RPRD1B: variants seen among roughly 807,000 people sequenced by gnomAD.
RPRD1B encodes the protein regulation of nuclear pre-mRNA domain-containing protein 1B.
RPRD1B carries 11 observed loss-of-function variants against 41.5 expected under a neutral mutation model. The ratio of observed to expected loss-of-function variants is 0.27; its 90% CI spans 0.17 to 0.44. The LOEUF (loss-of-function observed/expected upper bound fraction) is 0.44. Ranked by LOEUF, RPRD1B falls within the 20% of genes least tolerant of loss-of-function variation. The pLI is 1.00. For synonymous variants in RPRD1B, 158 were observed against 155.6 expected, an observed-to-expected ratio of 1.02 and a Z score of -0.12; for missense variants, 248 against 389.9, an observed-to-expected ratio of 0.64 and a Z score of 3.06.
intron 6 of RPRD1B, among the ~76,000 whole-genome samples, chr20:38,072,300 A>T (rs1427109977): frequency 5.3e-5 from 8 of 152,202 alleles, no homozygotes; most frequent in Admixed American, 5.2e-4. Flanking sequence ...CTGAATGCCC[A>T]GCACCCTTGT....
At chr20:38,077,888 C>A (rs188018428) in intron 6 of RPRD1B, among the ~76,000 whole-genome samples, 1 of 152,206 alleles carries the variant, frequency 6.6e-6, no homozygotes, top group East Asian at 1.9e-4. Flanking sequence ...CGAATATGGG[C>A]CCAGTGGCCA....
rs77907173 is a variant in RPRD1B, at chr20:38,036,253, A to G, written c.151+2155A>G. On this transcript the variant is annotated intron_variant, in intron 1 of 6. Transcript: ENST00000373433. ...TTTATAGATGAGATGATAAAGGTATAGAGGGATTAAGTGCCTTGTCCACAG... is the reference window on the plus strand; with the variant it reads ...TTTATAGATGAGATGATAAAGGTATGGAGGGATTAAGTGCCTTGTCCACAG... Among the ~76,000 whole-genome samples, 1,392 of 152,326 alleles carry G rather than the reference A, an allele frequency of 9.1e-3. 25 individuals carry two copies. The highest frequency in any genetic ancestry group is 0.032 in the African/African-American group (1,337 of 41,568).
chr20:38,034,180 TCA>T, intron 1 of RPRD1B, 82 bp downstream of exon 1: 1 of 1,425,556 alleles, frequency 7.0e-7, no homozygotes, highest in Non-Finnish European at 9.5e-7. Context: ...CTAAGCCTCT[TCA>T]TTGAGCCTTG....
intron 6 of RPRD1B, among the ~76,000 whole-genome samples, chr20:38,072,077 A>G (rs922869799): frequency 2.0e-5 from 3 of 152,122 alleles, no homozygotes; most frequent in Admixed American, 6.5e-5. Context: ...GTCACATGTA[A>G]TAATCTGTTG....
At chr20:38,040,404 A>G (rs761104032) in intron 1 of RPRD1B, 31 bp from the exon 2 acceptor site, 2 of 1,549,046 alleles carry the variant, frequency 1.3e-6, no homozygotes, top group Non-Finnish European at 1.7e-6. Flanking sequence ...TCTTTGGTGT[A>G]AGTTAAATTC....
intron 1 of RPRD1B, among the ~76,000 whole-genome samples, chr20:38,035,071 C>G (rs1441756797): frequency 6.6e-6 from 1 of 152,100 alleles, no homozygotes; most frequent in Non-Finnish European, 1.5e-5. Flanking sequence ...AGAGGAAAAA[C>G]TGAGACTCAT....
intron 4 of RPRD1B, 139 bp downstream of exon 4, chr20:38,057,783 T>C (rs1426753153): frequency 3.4e-6 from 2 of 583,974 alleles, no homozygotes; most frequent in African/African-American, 3.7e-5. Flanking sequence ...TGCATCATCC[T>C]GCCCAAAGGA....
chr20:38,038,596 A>T (rs2074031140), intron 1 of RPRD1B, among the ~76,000 whole-genome samples: 2 of 142,150 alleles, frequency 1.4e-5, no homozygotes, highest in Non-Finnish European at 3.0e-5. Flanking sequence ...TCCTGGGCTC[A>T]CCCCATTGTC....
intron 1 of RPRD1B, among the ~76,000 whole-genome samples, chr20:38,039,763 T>G (rs945006705): frequency 6.6e-6 from 1 of 150,860 alleles, no homozygotes; most frequent in Non-Finnish European, 1.5e-5. Flanking sequence ...AGACAGAGTC[T>G]TGCTCTATTG....
intron 6 of RPRD1B, 54 bp downstream of exon 6, chr20:38,066,310 A>T (rs1423847485): frequency 6.5e-7 from 1 of 1,528,080 alleles, no homozygotes; most frequent in East Asian, 2.3e-5. Flanking sequence ...CCTGTAGCCC[A>T]CATTAGGAGG....
chr20:38,045,893 C>T (rs944458333), intron 2 of RPRD1B, among the ~76,000 whole-genome samples: 5 of 152,148 alleles, frequency 3.3e-5, no homozygotes, highest in African/African-American at 1.2e-4. Flanking sequence ...TATACATTTG[C>T]TCACATTAGG....
chr20:38,038,597 C>A (rs748527928), intron 1 of RPRD1B, among the ~76,000 whole-genome samples: 3 of 149,370 alleles, frequency 2.0e-5, no homozygotes, highest in Non-Finnish European at 4.4e-5. Flanking sequence ...CCTGGGCTCA[C>A]CCCATTGTCC....
At chr20:38,051,688 G>C (rs1388554218) in intron 3 of RPRD1B, among the ~76,000 whole-genome samples, 1 of 152,212 alleles carries the variant, frequency 6.6e-6, no homozygotes, top group Non-Finnish European at 1.5e-5. Flanking sequence ...TTTGTGAGTA[G>C]GTTACCCAGC....
chr20:38,064,459 C>T (rs761503449), intron 5 of RPRD1B, among the ~76,000 whole-genome samples: 2 of 152,186 alleles, frequency 1.3e-5, no homozygotes, highest in African/African-American at 4.8e-5. Flanking sequence ...AACTGTCCCA[C>T]GGTACTGCCG....
chr20:38,050,887 C>G (rs750419000), intron 3 of RPRD1B, among the ~76,000 whole-genome samples: 1 of 152,242 alleles, frequency 6.6e-6, no homozygotes, highest in Non-Finnish European at 1.5e-5. Context: ...AGCTGACTCA[C>G]TCTGTCTTCA....
chr20:38,039,451 C>T (rs2074040734), intron 1 of RPRD1B, among the ~76,000 whole-genome samples: 1 of 150,618 alleles, frequency 6.6e-6, no homozygotes, highest in South Asian at 2.1e-4. Flanking sequence ...GTTGCCCAGG[C>T]TGGAGTGCAA....
At chr20:38,045,916 C>T (rs2074115928) in intron 2 of RPRD1B, among the ~76,000 whole-genome samples, 1 of 152,218 alleles carries the variant, frequency 6.6e-6, no homozygotes, top group Non-Finnish European at 1.5e-5. Context: ...CCTCCCATTG[C>T]CTGCAGGCCA....
chr20:38,055,750 C>T (rs540626080), intron 3 of RPRD1B, among the ~76,000 whole-genome samples: 2 of 152,170 alleles, frequency 1.3e-5, no homozygotes, highest in Non-Finnish European at 2.9e-5. Context: ...GGTGTTATCA[C>T]TGGGCGATAA....
Position 38,091,093 on chromosome 20 carries a change from G to A in RPRD1B, c.*1218G>A, listed in dbSNP as rs995157648. ...CAATTTTTATCTTGCTTATAGTAAA[G>A]GTTCAGCCTGCCAATTGTAAATCAT... On this transcript the variant is annotated 3_prime_UTR_variant, in exon 7 of 7. Transcript: ENST00000373433. The A allele has an allele frequency of 3.1e-5, 31 of 985,698 alleles. No homozygotes were observed. In the African/African-American group the frequency reaches 4.5e-4, roughly 14 times the overall value. 61.1% of individuals were successfully genotyped at this position (985,698 alleles called of 1,614,324 possible). A position where few individuals can be genotyped will look rare whatever the true frequency, so the allele number is the denominator to read the frequency against.
Sources: allele counts gnomAD v4.1 joint callset (sites outside exome capture counted in the v4.1 genomes callset), GRCh38; gene constraint gnomAD v4.1.1; transcripts MANE v1.5; gene names NCBI Gene and HGNC (gene_info 2026-07-23, HGNC 2026-07-21).